PRIM2: variants seen among roughly 807,000 people sequenced by gnomAD.
The protein encoded by PRIM2 is DNA primase large subunit.
Under a neutral mutation model 67.3 loss-of-function variants are expected in PRIM2, and 39 were observed. That is an observed-to-expected ratio of 0.58 (90% CI 0.45 to 0.76). PRIM2 has a LOEUF of 0.76. PRIM2 is among the 30% of genes least tolerant of loss of function. The pLI, the probability that PRIM2 is intolerant of heterozygous loss-of-function variation, is 0.00. For synonymous variants in PRIM2, 143 were observed against 198.7 expected (o/e 0.72, Z 2.36); for missense variants, 398 against 598.7 (o/e 0.66, Z 3.50).
At chr6:57,287,925 G>A in the PRIM2 span, among the ~76,000 whole-genome samples, 345 of 152,272 alleles carry the variant, frequency 2.3e-3, 1 homozygote, top group Non-Finnish European at 3.8e-3. Context: ...GGACTGGTTG[G>A]ATGGTGGGTG....
At chr6:57,436,795 ATGGGT>A (rs1772026862) in intron 7 of PRIM2, among the ~76,000 whole-genome samples, 1 of 152,072 alleles carries the variant, frequency 6.6e-6, no homozygotes, top group Non-Finnish European at 1.5e-5. Flanking sequence ...CAGGAGTCTC[ATGGGT>A]ATGTACACAC....
At chr6:57,281,032 C>T in the PRIM2 span, among the ~76,000 whole-genome samples, 1 of 152,154 alleles carries the variant, frequency 6.6e-6, no homozygotes, top group Non-Finnish European at 1.5e-5. Flanking sequence ...TGAGTGAGAA[C>T]ATGAAATATT....
chr6:57,347,214 T>C (rs1768706967), intron 5 of PRIM2, among the ~76,000 whole-genome samples: 1 of 152,128 alleles, frequency 6.6e-6, no homozygotes, highest in African/African-American at 2.4e-5. Context: ...GGAATAAGGC[T>C]TCTGTATGAA....
intron 8 of PRIM2, among the ~76,000 whole-genome samples, chr6:57,519,252 A>T (rs1774555961): frequency 6.6e-6 from 1 of 152,212 alleles, no homozygotes; most frequent in African/African-American, 2.4e-5. Context: ...TATTGATAGC[A>T]TCTTATCAGG....
the PRIM2 span, among the ~76,000 whole-genome samples, chr6:57,254,986 C>T: frequency 6.6e-6 from 1 of 152,166 alleles, no homozygotes; most frequent in African/African-American, 2.4e-5. Flanking sequence ...GCGATATTTT[C>T]CAGGCCTTTT....
intron 12 of PRIM2, among the ~76,000 whole-genome samples, chr6:57,631,058 A>T (rs2127499286): frequency 6.6e-6 from 1 of 152,326 alleles, no homozygotes; most frequent in Non-Finnish European, 1.5e-5. Context: ...TCTATAAGAC[A>T]ATCAGAGAAA....
chr6:57,538,319 C>G (rs1212824497), intron 10 of PRIM2, among the ~76,000 whole-genome samples: 49 of 152,142 alleles, frequency 3.2e-4, no homozygotes, highest in African/African-American at 1.1e-3. Flanking sequence ...CCTGAGTCAT[C>G]ATACCTAGCC....
chr6:57,229,409 A>G, the PRIM2 span, among the ~76,000 whole-genome samples: 1 of 152,030 alleles, frequency 6.6e-6, no homozygotes, highest in African/African-American at 2.4e-5. Context: ...TTTTGTTAAA[A>G]TTTCTTTTCT....
At position 57,468,496 on chromosome 6, in the gene PRIM2, A is replaced by G. The variant is rs1367315227; in HGVS notation, c.694-38891A>G. ...GATGAAGCCAAGTTTATTGTGCTGT[A>G]TAAGGTTTTTGATGTGCTGCTGGAT... On this transcript the variant is annotated intron_variant, in intron 7 of 13. Coordinates refer to ENST00000615550, the MANE Select transcript of PRIM2 (RefSeq NM_000947.5). 1.9e-3 allele frequency among the ~76,000 whole-genome samples: 282 copies of G among 152,294 alleles called. 3 individuals carry two copies. The highest frequency in any genetic ancestry group is 8.9e-4 in the African/African-American group (37 of 41,572).
intron 7 of PRIM2, among the ~76,000 whole-genome samples, chr6:57,490,306 C>G (rs1160949623): frequency 2.6e-5 from 4 of 152,190 alleles, no homozygotes; most frequent in Non-Finnish European, 5.9e-5. Flanking sequence ...GCCAGTGGCT[C>G]ATCCCCTTCA....
At chr6:57,280,736 T>C in the PRIM2 span, among the ~76,000 whole-genome samples, 732 of 152,240 alleles carry the variant, frequency 4.8e-3, 1 homozygote, top group Non-Finnish European at 8.7e-3. Flanking sequence ...CTCGAACTCC[T>C]GACCTCATGA....
intron 10 of PRIM2, among the ~76,000 whole-genome samples, chr6:57,559,741 T>C (rs2127477772): frequency 6.6e-6 from 1 of 152,338 alleles, no homozygotes; most frequent in South Asian, 2.1e-4. Context: ...CCAGTGCATA[T>C]AAAACTCATA....
the PRIM2 span, among the ~76,000 whole-genome samples, chr6:57,256,157 A>G: frequency 4.6e-5 from 7 of 152,192 alleles, no homozygotes; most frequent in African/African-American, 1.4e-4. Flanking sequence ...ACCTTTTGTA[A>G]TGTAAAATTG....
chr6:57,579,721 GCCC>G (rs1776044870), intron 10 of PRIM2, among the ~76,000 whole-genome samples: 1 of 152,152 alleles, frequency 6.6e-6, no homozygotes. Context: ...CTAGAGGGTA[GCCC>G]TGGGTAACCA....
chr6:57,305,318 C>T, the PRIM2 span, among the ~76,000 whole-genome samples: 2 of 152,302 alleles, frequency 1.3e-5, no homozygotes, highest in African/African-American at 2.4e-5. Context: ...GCGAGCCTAT[C>T]TGGAATTAGG....
At chr6:57,252,196 C>G in the PRIM2 span, among the ~76,000 whole-genome samples, 3 of 152,168 alleles carry the variant, frequency 2.0e-5, no homozygotes, top group Non-Finnish European at 2.9e-5. Context: ...TCATTTATCT[C>G]TTGATTCTGT....
At chr6:57,476,623 C>A (rs1266935746) in intron 7 of PRIM2, among the ~76,000 whole-genome samples, 42 of 152,270 alleles carry the variant, frequency 2.8e-4, no homozygotes, top group African/African-American at 9.1e-4. Context: ...GCATAATCAG[C>A]TGTGAAAGAT....
the PRIM2 span, among the ~76,000 whole-genome samples, chr6:57,279,030 T>A: frequency 2.0e-5 from 3 of 152,238 alleles, no homozygotes; most frequent in African/African-American, 7.2e-5. Flanking sequence ...GAGTACAGTC[T>A]CTGAAGCACC....
the PRIM2 span, among the ~76,000 whole-genome samples, chr6:57,301,895 T>C: frequency 6.6e-6 from 1 of 152,224 alleles, no homozygotes; most frequent in Non-Finnish European, 1.5e-5. Flanking sequence ...TCTATGAGTG[T>C]TGAAGTCAAG....
Sources: gnomAD v4.1 joint callset for allele counts (sites outside exome capture counted in the v4.1 genomes callset) on GRCh38, gnomAD v4.1.1 for gene constraint, MANE v1.5 for transcripts, NCBI Gene and HGNC (gene_info 2026-07-23, HGNC 2026-07-21) for gene names.